The following SCAF8 variants were observed in gnomAD, a reference collection of about 807,000 sequenced individuals.
The protein encoded by SCAF8 is SR-related and CTD-associated factor 8.
Under a neutral mutation model 140.5 loss-of-function variants are expected in SCAF8, and 23 were observed. The ratio of observed to expected loss-of-function variants is 0.16; its 90% confidence interval spans 0.12 to 0.23. The LOEUF (loss-of-function observed/expected upper bound fraction) is 0.23. SCAF8 is among the 10% of genes least tolerant of loss of function. SCAF8 has a pLI of 1.00. For synonymous variants in SCAF8, 575 were observed against 528.9 expected (o/e 1.09, Z -1.20); for missense variants, 1,397 against 1,555.7 (o/e 0.90, Z 1.72).
chr6:154,798,094 T>A (rs1777660594), intron 6 of SCAF8, among the ~76,000 whole-genome samples: 1 of 151,448 alleles, frequency 6.6e-6, no homozygotes. Flanking sequence ...TGTACCTTGT[T>A]CTGGAGTATA....
At chr6:154,745,141 A>T (rs866941230) in intron 1 of SCAF8, among the ~76,000 whole-genome samples, 8 of 152,192 alleles carry the variant, frequency 5.3e-5, no homozygotes, top group Non-Finnish European at 8.8e-5. Flanking sequence ...CCTTAATGTG[A>T]ATCAATTGGT....
At position 154,815,771 on chromosome 6, in the gene SCAF8, C is replaced by G. The variant is rs746172086; in HGVS notation, c.1476C>G (p.Asp492Glu). 5.0e-6 allele frequency: 8 copies of G among 1,613,074 alleles called. No homozygotes were observed. The highest frequency in any genetic ancestry group is 1.1e-5 in the South Asian group (1 of 91,062). Residue 492 changes from aspartate to glutamate, a missense_variant, in exon 13 of 20, where the codon GAC becomes GAG. Asp to Glu is a conservative substitution (Grantham distance 45). Around this residue, in one of 5 missense-constraint regions of SCAF8, gnomAD observed 59 missense variants for 110.7 expected, o/e 0.53. Coordinates refer to ENST00000367178, the MANE Select transcript of SCAF8 (RefSeq NM_014892.5). ...GQVDKKATQQ[D>E]LTNLFEEFGQ... ...TGGACAAGAAGGCAACACAGCAAGA[C>G]TTAACCAACCTGTTTGAAGAGTTTG...
chr6:154,757,773 A>G (rs945791865), intron 1 of SCAF8, among the ~76,000 whole-genome samples: 23 of 152,302 alleles, frequency 1.5e-4, no homozygotes, highest in African/African-American at 4.6e-4. Flanking sequence ...ACATGTACAT[A>G]TGCCTCTGGA....
intron 3 of SCAF8, among the ~76,000 whole-genome samples, chr6:154,779,423 T>A (rs1006273184): frequency 6.6e-6 from 1 of 152,226 alleles, no homozygotes; most frequent in African/African-American, 2.4e-5. Context: ...TGGATTCTAA[T>A]TCACCGAGTG....
At chr6:154,793,642 C>G (rs1043861394) in intron 5 of SCAF8, among the ~76,000 whole-genome samples, 1 of 151,318 alleles carries the variant, frequency 6.6e-6, no homozygotes, top group Non-Finnish European at 1.5e-5. Flanking sequence ...TAGTGAAACC[C>G]TGTCTACATT....
chr6:154,809,135 C>G (rs1222612126), intron 11 of SCAF8, among the ~76,000 whole-genome samples: 2 of 152,166 alleles, frequency 1.3e-5, no homozygotes, highest in African/African-American at 4.8e-5. Flanking sequence ...CTGGATTCCA[C>G]TCATCTCACA....
At chr6:154,742,737 C>T (rs1778602697) in intron 1 of SCAF8, among the ~76,000 whole-genome samples, 1 of 100,374 alleles carries the variant, frequency 1.0e-5, no homozygotes, top group Admixed American at 9.6e-5. Flanking sequence ...GTAACTTTGA[C>T]ATTTCTTTAT....
rs368644750 is a variant in SCAF8 at position 154,811,899 on chromosome 6, T to C, written c.1420+1691T>C. On this transcript the variant is annotated intron_variant, in intron 12 of 19. Transcript: ENST00000367178. The stretch of plus-strand genomic sequence containing the variant: ...TTTTTTATGGCTGCATAGTATTCCA[T>C]AGTGTATATGTGCCACATTTTCTTA... 2.6e-5 allele frequency among the ~76,000 whole-genome samples: 4 copies of C among 152,292 alleles called. No individual in the cohort carries two copies. The East Asian group carries it at 7.7e-4, about 29-fold the overall frequency.
intron 2 of SCAF8, among the ~76,000 whole-genome samples, chr6:154,775,721 G>C (rs1255896068): frequency 6.6e-6 from 1 of 151,990 alleles, no homozygotes; most frequent in Admixed American, 6.6e-5. Flanking sequence ...CCTGGGCAAC[G>C]CAGTAAGATC....
intron 3 of SCAF8, among the ~76,000 whole-genome samples, chr6:154,781,950 GT>G (rs1777098780): frequency 6.6e-6 from 1 of 152,156 alleles, no homozygotes; most frequent in Non-Finnish European, 1.5e-5. Flanking sequence ...GTGAACCCAT[GT>G]TTTAGTCATG....
intron 11 of SCAF8, 94 bp downstream of exon 11, chr6:154,808,892 A>G: frequency 1.2e-6 from 1 of 823,068 alleles, no homozygotes; most frequent in South Asian, 1.7e-5. Context: ...TTTCCTTGGG[A>G]TGACATATTT....
intron 1 of SCAF8, among the ~76,000 whole-genome samples, chr6:154,740,570 A>G (rs952960481): frequency 2.0e-5 from 3 of 151,524 alleles, no homozygotes; most frequent in Non-Finnish European, 4.4e-5. Flanking sequence ...ATAGCACAGT[A>G]TCTCAATATA....
intron 1 of SCAF8, among the ~76,000 whole-genome samples, chr6:154,770,793 G>A (rs530097096): frequency 6.6e-6 from 1 of 152,276 alleles, no homozygotes; most frequent in South Asian, 2.1e-4. Flanking sequence ...TCACCATGCT[G>A]GAGTGCGGTG....
chr6:154,790,435 A>ATCTTTAT (rs1179258734), intron 4 of SCAF8, among the ~76,000 whole-genome samples: 1 of 149,580 alleles, frequency 6.7e-6, no homozygotes, highest in Non-Finnish European at 1.5e-5. Context: ...GTTGAACCAG[A>ATCTTTAT]TCTTTATTCT....
At chr6:154,793,894 A>G (rs1439710766) in intron 5 of SCAF8, among the ~76,000 whole-genome samples, 2 of 104,722 alleles carry the variant, frequency 1.9e-5, no homozygotes, top group African/African-American at 4.3e-5. Context: ...ATAATTTTGT[A>G]TGTATTTTGT....
At position 154,803,623 on chromosome 6, in the gene SCAF8, T is replaced by C. The variant is rs201453742; in HGVS notation, c.863T>C (p.Leu288Pro). ...AAAAAGGAAATTCCAGCTTCACAAC[T>C]GTAAGAATTTTTTCTTTATAGCCAT... is the stretch of plus-strand genomic sequence containing the variant. Reference protein sequence around the residue: ...EPKKEIPASQLSHVSESVNNS... With the variant: ...EPKKEIPASQPSHVSESVNNS... The change falls in exon 8 of 20, where the codon CTT becomes CCT. Residue 288 changes from leucine (L) to proline (P), a missense_variant and splice_region_variant. Physicochemically the swap from Leu to Pro is moderately conservative, Grantham distance 98 (BLOSUM62 -3). Around this residue, in one of 5 missense-constraint regions of SCAF8, gnomAD observed 339 missense variants for 407.5 expected, o/e 0.83. Coordinates refer to ENST00000367178, the MANE Select transcript of SCAF8 (RefSeq NM_014892.5). The C allele has an allele frequency of 6.2e-7, 1 of 1,603,438 alleles. No homozygotes were observed. The highest frequency in any genetic ancestry group is 8.5e-7 in the Non-Finnish European group (1 of 1,172,278).
At chr6:154,737,318 A>G (rs1025027151) in intron 1 of SCAF8, among the ~76,000 whole-genome samples, 3 of 152,022 alleles carry the variant, frequency 2.0e-5, no homozygotes, top group African/African-American at 7.3e-5. Flanking sequence ...TAAGGAATCA[A>G]AATTTAGCTC....
intron 4 of SCAF8, 113 bp downstream of exon 4, chr6:154,788,135 C>A: frequency 1.2e-6 from 1 of 863,516 alleles, no homozygotes; most frequent in Non-Finnish European, 1.8e-6. Context: ...AATGATGTTT[C>A]AATGACAGAC....
intron 18 of SCAF8, among the ~76,000 whole-genome samples, chr6:154,828,638 A>AAG (rs1006311820): frequency 1.2e-4 from 18 of 152,006 alleles, no homozygotes; most frequent in Non-Finnish European, 2.5e-4. Context: ...TCCCAGACAA[A>AAG]TCTTGTGTTT....
Sources: gnomAD v4.1 joint callset for allele counts (sites outside exome capture counted in the v4.1 genomes callset) on GRCh38, gnomAD v4.1.1 for gene constraint, gnomAD v4.1.1 regional missense constraint, MANE v1.5 for transcripts, NCBI Gene and HGNC (gene_info 2026-07-23, HGNC 2026-07-21) for gene names.